Variants in NR5A2 observed in about 807,000 individuals in gnomAD.
NR5A2 encodes CYP7A promoter-binding factor.
A neutral mutation model predicts 62.7 loss-of-function variants in NR5A2; 26 were observed. That is an observed-to-expected ratio of 0.41 (90% confidence interval 0.30 to 0.58). NR5A2 has a LOEUF of 0.58. NR5A2 is among the 20% of genes least tolerant of loss of function. The pLI is 0.22. For synonymous variants in NR5A2, 246 were observed against 241.7 expected (o/e 1.02, Z -0.16); for missense variants, 541 against 669.1 (o/e 0.81, Z 2.11).
intron 5 of NR5A2, among the ~76,000 whole-genome samples, chr1:200,107,442 G>A (rs1018016097): frequency 3.3e-5 from 5 of 152,082 alleles, no homozygotes; most frequent in African/African-American, 9.7e-5. Flanking sequence ...AGGAGATGCC[G>A]TGTTAGACAC....
intron 1 of NR5A2, among the ~76,000 whole-genome samples, chr1:200,036,391 C>G (rs893036708): frequency 9.9e-5 from 15 of 152,262 alleles, no homozygotes; most frequent in African/African-American, 3.6e-4. Flanking sequence ...CCTTGCCCAG[C>G]AGAATTGAAG....
chr1:200,034,783 CTTTTTTTTT>C (rs767393832), intron 1 of NR5A2, among the ~76,000 whole-genome samples: 6 of 71,282 alleles, frequency 8.4e-5, no homozygotes, highest in South Asian at 7.2e-4. Flanking sequence ...AGCAGAAAGG[CTTTTTTTTT>C]TTTTTTTTTT....
chr1:200,075,590 T>C (rs1663986969), intron 5 of NR5A2, among the ~76,000 whole-genome samples: 1 of 152,366 alleles, frequency 6.6e-6, no homozygotes, highest in African/African-American at 2.4e-5. Context: ...TAGTAATCTG[T>C]TGCGTGCACT....
intron 5 of NR5A2, among the ~76,000 whole-genome samples, chr1:200,063,675 G>C (rs1663334394): frequency 1.3e-5 from 2 of 151,994 alleles, no homozygotes; most frequent in Non-Finnish European, 2.9e-5. Flanking sequence ...ATTTTACTGG[G>C]GTGTAGTATT....
intron 7 of NR5A2, among the ~76,000 whole-genome samples, chr1:200,152,049 CTTTA>C (rs1653153973): frequency 6.6e-6 from 1 of 152,164 alleles, no homozygotes; most frequent in Non-Finnish European, 1.5e-5. Context: ...CAACAAATAC[CTTTA>C]TTTGCCTTTG....
chr1:200,161,592 C>T (rs921902366), intron 7 of NR5A2, among the ~76,000 whole-genome samples: 7 of 152,152 alleles, frequency 4.6e-5, no homozygotes, highest in African/African-American at 1.7e-4. Context: ...CAACATCAAA[C>T]ATATCAAATG....
At chr1:200,093,975 T>C (rs1349637584) in intron 5 of NR5A2, among the ~76,000 whole-genome samples, 1 of 151,996 alleles carries the variant, frequency 6.6e-6, no homozygotes, top group Non-Finnish European at 1.5e-5. Context: ...GCCAATATGG[T>C]GAAACTCCGT....
At chr1:200,108,503 T>G (rs1571491522) in intron 5 of NR5A2, among the ~76,000 whole-genome samples, 3 of 152,210 alleles carry the variant, frequency 2.0e-5, no homozygotes, top group African/African-American at 7.2e-5. Flanking sequence ...AATAGGTTCT[T>G]AAGCTGGAAT....
At chr1:200,158,958 G>A (rs567150443) in intron 7 of NR5A2, among the ~76,000 whole-genome samples, 73 of 150,126 alleles carry the variant, frequency 4.9e-4, no homozygotes, top group Non-Finnish European at 6.8e-4. Flanking sequence ...AGAATGGCCC[G>A]ATCACAGTTC....
Position 200,133,028 on chromosome 1 carries a change from T to C in NR5A2, c.1378+12073T>C, listed in dbSNP as rs545949168. Among the ~76,000 whole-genome samples the C allele has an allele frequency of 1.1e-3, 174 of 152,266 alleles. 1 individual carries two copies. Among genetic ancestry groups the C allele is most frequent in the African/African-American group, 4.0e-3 (166 of 41,548 alleles). ...TGTACACAGTCATGTAGAGTCAGGA[T>C]TTGAACTGAAATTTTTGAACTCCAC... On this transcript the variant is annotated intron_variant, in intron 7 of 7. Transcript: ENST00000367362.
At chr1:200,148,550 G>C (rs748498883) in intron 7 of NR5A2, among the ~76,000 whole-genome samples, 3 of 152,206 alleles carry the variant, frequency 2.0e-5, no homozygotes, top group Non-Finnish European at 4.4e-5. Flanking sequence ...TAAGTCTGGA[G>C]GCTTTCCCCA....
At chr1:200,134,571 C>T (rs1057209951) in intron 7 of NR5A2, among the ~76,000 whole-genome samples, 17 of 152,126 alleles carry the variant, frequency 1.1e-4, no homozygotes, top group Non-Finnish European at 2.2e-4. Flanking sequence ...GATGATCGCG[C>T]AACGAAATCA....
intron 5 of NR5A2, among the ~76,000 whole-genome samples, chr1:200,110,563 G>C (rs1049762583): frequency 6.6e-6 from 1 of 152,140 alleles, no homozygotes; most frequent in African/African-American, 2.4e-5. Flanking sequence ...AGTTTAGAGA[G>C]TTTGTGGCAA....
At chr1:200,159,942 C>T (rs1276992700) in intron 7 of NR5A2, among the ~76,000 whole-genome samples, 1 of 152,188 alleles carries the variant, frequency 6.6e-6, no homozygotes. Flanking sequence ...CATAAGCCAC[C>T]ATGCCTGGTC....
chr1:200,090,776 A>T (rs1664777317), intron 5 of NR5A2, among the ~76,000 whole-genome samples: 1 of 152,200 alleles, frequency 6.6e-6, no homozygotes, highest in Non-Finnish European at 1.5e-5. Flanking sequence ...GACCAGGGCC[A>T]GTTTGAGGAC....
At chr1:200,151,164 A>G (rs1027178716) in intron 7 of NR5A2, among the ~76,000 whole-genome samples, 8 of 148,836 alleles carry the variant, frequency 5.4e-5, no homozygotes, top group South Asian at 2.1e-4. Context: ...TGGAAGGGGG[A>G]AAAAAAGCCT....
At chr1:200,105,870 T>G (rs1223102394) in intron 5 of NR5A2, among the ~76,000 whole-genome samples, 1 of 152,102 alleles carries the variant, frequency 6.6e-6, no homozygotes, top group Non-Finnish European at 1.5e-5. Flanking sequence ...GAGAATTGCT[T>G]GAGCCCAGGA....
intron 7 of NR5A2, among the ~76,000 whole-genome samples, chr1:200,160,982 C>CA (rs56332154): frequency 0.012 from 1,624 of 139,450 alleles, 5 homozygotes; most frequent in African/African-American, 0.013. Context: ...GACGTGAGTA[C>CA]AAAAAAAAAA....
At chr1:200,145,468 T>TTG (rs66885184) in intron 7 of NR5A2, among the ~76,000 whole-genome samples, 10,224 of 141,960 alleles carry the variant, frequency 0.072, 414 homozygotes, top group East Asian at 0.11. Context: ...TTGATAGAAT[T>TTG]TGTGTGTGTG....
Sources: allele counts gnomAD v4.1 joint callset (sites outside exome capture counted in the v4.1 genomes callset), GRCh38; gene constraint gnomAD v4.1.1; transcripts MANE v1.5; gene names NCBI Gene and HGNC (gene_info 2026-07-23, HGNC 2026-07-21).